PTPN13: variants seen among roughly 807,000 people sequenced by gnomAD.
PTPN13 encodes the protein protein tyrosine phosphatase non-receptor type 13.
Under a neutral mutation model 284.0 loss-of-function variants are expected in PTPN13, and 191 were observed. The observed-to-expected ratio is 0.67, with a 90% CI of 0.60 to 0.76. PTPN13 has a LOEUF of 0.76. PTPN13 is among the 30% of genes least tolerant of loss of function. The probability of loss-of-function intolerance (pLI) is 0.00; values close to 1 mark genes in which losing one functional copy is unlikely to be tolerated. For missense variants in PTPN13, 2,797 were observed against 2,939.9 expected (o/e 0.95, Z 1.12); for synonymous variants, 986 against 1,022.3 (o/e 0.96, Z 0.68).
intron 1 of PTPN13, among the ~76,000 whole-genome samples, chr4:86,602,523 A>G (rs1227334759): frequency 6.6e-5 from 10 of 152,006 alleles, no homozygotes; most frequent in Non-Finnish European, 1.3e-4. Flanking sequence ...GAACTTAAAT[A>G]TGGTTTCTTG....
In PTPN13 at chr4:86,722,226, C is replaced by T. The variant is rs370992554; in HGVS notation, c.1400C>T (p.Thr467Ile). ...QSQRPSRQYE[T>I]PFEGNLINQE... ...TTTCTATATAGCAGACAATATGAAA[C>T]ACCCTTTGAAGGCAACTTAATTAAT... The change falls in exon 10 of 48, where the codon ACA becomes ATA. Residue 467 changes from threonine (T) to isoleucine (I), a missense_variant. Thr to Ile is a moderately conservative substitution (Grantham distance 89). Coordinates refer to ENST00000411767, the MANE Select transcript of PTPN13 (RefSeq NM_080683.3). The T allele has an allele frequency of 2.0e-5, 33 of 1,612,866 alleles. No homozygotes were observed. In the African/African-American group the frequency reaches 3.9e-4, roughly 19 times the overall value.
intron 23 of PTPN13, among the ~76,000 whole-genome samples, chr4:86,762,192 C>T (rs1285860221): frequency 1.3e-5 from 2 of 152,168 alleles, no homozygotes; most frequent in African/African-American, 2.4e-5. Context: ...AGGCTGGTCT[C>T]GAACTCCTGG....
At chr4:86,744,902 A>G in intron 16 of PTPN13, 64 bp from the exon 17 acceptor site, 1 of 1,264,840 alleles carries the variant, frequency 7.9e-7, no homozygotes, top group Non-Finnish European at 1.1e-6. Context: ...TCCAGTGCCT[A>G]ACAAGAAATA....
chr4:86,798,150 G>A (rs1444255050), intron 41 of PTPN13, among the ~76,000 whole-genome samples: 1 of 152,126 alleles, frequency 6.6e-6, no homozygotes, highest in African/African-American at 2.4e-5. Flanking sequence ...GCCAAATAAG[G>A]ACTCTAAGAT....
At chr4:86,780,215 A>G (rs960924390) in intron 35 of PTPN13, among the ~76,000 whole-genome samples, 187 bp from the exon 36 acceptor site, 1 of 152,142 alleles carries the variant, frequency 6.6e-6, no homozygotes, top group Non-Finnish European at 1.5e-5. Flanking sequence ...CCTGGGCAAC[A>G]TGAAAAAACC....
At chr4:86,728,643 C>CATTT (rs1734569004) in intron 10 of PTPN13, among the ~76,000 whole-genome samples, 1 of 24,500 alleles carries the variant, frequency 4.1e-5, no homozygotes, top group Non-Finnish European at 7.6e-5. Flanking sequence ...CAACCCCTGC[C>CATTT]TTTTTTTTTT....
intron 42 of PTPN13, among the ~76,000 whole-genome samples, chr4:86,802,247 C>A (rs977797916): frequency 6.6e-6 from 1 of 151,644 alleles, no homozygotes; most frequent in African/African-American, 2.4e-5. Context: ...CAGAAAAATT[C>A]ATCTTCTCTC....
At chr4:86,672,184 T>C (rs1727783024) in intron 2 of PTPN13, among the ~76,000 whole-genome samples, 181 bp from the exon 3 acceptor site, 1 of 152,230 alleles carries the variant, frequency 6.6e-6, no homozygotes, top group Non-Finnish European at 1.5e-5. Context: ...TGCTACCTGT[T>C]GTATTTGTAT....
At chr4:86,795,241 C>T (rs1743195892) in intron 40 of PTPN13, among the ~76,000 whole-genome samples, 1 of 152,170 alleles carries the variant, frequency 6.6e-6, no homozygotes, top group Non-Finnish European at 1.5e-5. Flanking sequence ...TATGAACAGA[C>T]TCTTCTCAAA....
intron 10 of PTPN13, among the ~76,000 whole-genome samples, chr4:86,729,159 A>C (rs1734661137): frequency 6.7e-6 from 1 of 149,394 alleles, no homozygotes; most frequent in African/African-American, 2.4e-5. Flanking sequence ...AAGAATGTTG[A>C]ATATTGGCCC....
intron 1 of PTPN13, among the ~76,000 whole-genome samples, chr4:86,621,877 C>T (rs1201735447): frequency 6.6e-6 from 1 of 152,082 alleles, no homozygotes; most frequent in Non-Finnish European, 1.5e-5. Context: ...TGCTCCCTCT[C>T]TCCTCATCCT....
intron 6 of PTPN13, among the ~76,000 whole-genome samples, chr4:86,695,400 A>T (rs977633599): frequency 6.6e-6 from 1 of 152,010 alleles, no homozygotes; most frequent in African/African-American, 2.4e-5. Context: ...GTTTATTTTT[A>T]TACTATTCTA....
In PTPN13 at chr4:86,766,479, C is replaced by T. The variant is rs1354301493; in HGVS notation, c.4291C>T (p.His1431Tyr). 6.2e-7 allele frequency: 1 copy of T among 1,610,006 alleles called. No individual in the cohort carries two copies. Among genetic ancestry groups the T allele is most frequent in the South Asian group, 1.1e-5 (1 of 89,746 alleles). Residue 1431 changes from histidine (H) to tyrosine (Y), a missense_variant, in exon 27 of 48, where the codon CAT becomes TAT. His to Tyr is a moderately conservative substitution (Grantham distance 83). Transcript: ENST00000411767. ...VNGVSLEGATHKQAVETLRNT... is the reference protein window; with the variant it reads ...VNGVSLEGATYKQAVETLRNT... ...TGGAGTTAGTCTAGAAGGAGCCACCCATAAGCAAGCTGTGGAAACACTGAG... is the reference window on the plus strand; with the variant it reads ...TGGAGTTAGTCTAGAAGGAGCCACCTATAAGCAAGCTGTGGAAACACTGAG...
rs1167972261 is a variant in PTPN13 at position 86,778,773 on chromosome 4, G to A, written c.5892-1629G>A. On this transcript the variant is annotated intron_variant, in intron 35 of 47. Coordinates refer to ENST00000411767, the MANE Select transcript of PTPN13 (RefSeq NM_080683.3). ...AAATTTACCAAGGTTGTTGGCCCGG[G>A]GCGTTAAATTTACAGATTTTTTTAA... is the stretch of plus-strand genomic sequence containing the variant. Among the ~76,000 whole-genome samples, 3 of 151,964 alleles carry A rather than the reference G, an allele frequency of 2.0e-5. No individual in the cohort carries two copies. In the South Asian group the frequency reaches 6.2e-4, roughly 31 times the overall value.
At chr4:86,788,895 G>A (rs1311425618) in intron 40 of PTPN13, among the ~76,000 whole-genome samples, 1 of 152,204 alleles carries the variant, frequency 6.6e-6, no homozygotes, top group Non-Finnish European at 1.5e-5. Flanking sequence ...ATGGAGTTCA[G>A]TGGGACCTAC....
chr4:86,768,058 G>C (rs1230181286), intron 28 of PTPN13, 82 bp downstream of exon 28: 1 of 1,261,346 alleles, frequency 7.9e-7, no homozygotes, highest in Non-Finnish European at 1.1e-6. Context: ...TTGGATTACA[G>C]TTAATGCCCT....
chr4:86,775,055 A>T (rs925969175), intron 33 of PTPN13, 116 bp from the exon 34 acceptor site: 6 of 690,172 alleles, frequency 8.7e-6, no homozygotes, highest in Admixed American at 3.6e-5. Flanking sequence ...ACTGTTGTGA[A>T]TCTCTTACTA....
chr4:86,645,419 GA>G (rs1410549550), intron 2 of PTPN13, among the ~76,000 whole-genome samples: 1 of 152,020 alleles, frequency 6.6e-6, no homozygotes, highest in East Asian at 1.9e-4. Context: ...ATCCAGATTA[GA>G]AAAAAGCAGA....
At chr4:86,706,503 A>G (rs1456780573) in intron 7 of PTPN13, among the ~76,000 whole-genome samples, 1 of 152,196 alleles carries the variant, frequency 6.6e-6, no homozygotes, top group Non-Finnish European at 1.5e-5. Flanking sequence ...GCAGGGGTTA[A>G]GGTGGAACTC....
Sources: allele counts gnomAD v4.1 joint callset (sites outside exome capture counted in the v4.1 genomes callset), GRCh38; gene constraint gnomAD v4.1.1; transcripts MANE v1.5; gene names NCBI Gene and HGNC (gene_info 2026-07-23, HGNC 2026-07-21).